ADGB: variants seen among roughly 807,000 people sequenced by gnomAD.
ADGB encodes androglobin, also known as calpain-7-like protein.
ADGB carries 172 observed loss-of-function variants against 210.5 expected under a neutral mutation model. That is an observed-to-expected ratio of 0.82 (90% CI 0.72 to 0.93). ADGB has a LOEUF of 0.93. Ranked by LOEUF, ADGB falls within the 40% of genes least tolerant of loss-of-function variation. ADGB has a pLI of 0.00. For missense variants in ADGB, 2,025 were observed against 1,964.8 expected, an observed-to-expected ratio of 1.03 and a Z score of -0.58; for synonymous variants, 658 against 662.7, an observed-to-expected ratio of 0.99 and a Z score of 0.11.
rs144868131 is a variant in ADGB at position 146,709,314 on chromosome 6, CT to C, written c.1708-6067del. The stretch of plus-strand genomic sequence containing the variant: ...GGTCCTTGTAACCACGAGTTGGTGT[CT>C]GTAAATTTAAGAGTAGTAAATTATT... On this transcript the variant is annotated intron_variant, in intron 13 of 35. Transcript: ENST00000397944. 7.5e-3 allele frequency among the ~76,000 whole-genome samples: 1,139 copies of C among 152,244 alleles called. 5 individuals are homozygous for C. The highest frequency in any genetic ancestry group is 0.025 in the African/African-American group (1,044 of 41,562).
At chr6:146,610,008 A>G (rs1232326165) in intron 1 of ADGB, among the ~76,000 whole-genome samples, 2 of 152,110 alleles carry the variant, frequency 1.3e-5, no homozygotes, top group African/African-American at 4.8e-5. Context: ...CTTGTGTAGT[A>G]TCTCTCAGGG....
chr6:146,734,420 C>T (rs543112546), intron 22 of ADGB, among the ~76,000 whole-genome samples: 60 of 152,220 alleles, frequency 3.9e-4, no homozygotes, highest in African/African-American at 1.4e-3. Flanking sequence ...TTTCACATTT[C>T]CAGATGATTT....
intron 28 of ADGB, 23 bp downstream of exon 28, chr6:146,764,123 A>G (rs1777541077): frequency 1.3e-5 from 19 of 1,506,828 alleles, no homozygotes; most frequent in Non-Finnish European, 1.7e-5. Context: ...CAATTGTTCA[A>G]TTGGACTGTT....
At position 146,661,220 on chromosome 6, in the gene ADGB, C is replaced by CTT. The variant is rs5880682; in HGVS notation, c.613-2965_613-2964dup. ...TTCCTTTACTTTTTTTTCTTTTTTT[C>CTT]TTTTTTTTTTTTTTTTTGGAGATAG... On this transcript the variant is annotated intron_variant, in intron 5 of 35. Coordinates refer to ENST00000397944, the MANE Select transcript of ADGB (RefSeq NM_024694.4). Among the ~76,000 whole-genome samples, 1,023 of 116,026 alleles carry CTT rather than the reference C, an allele frequency of 8.8e-3. 12 individuals carry two copies. The highest frequency in any genetic ancestry group is 0.019 in the South Asian group (67 of 3,478). The allele number at this position is 116,026 out of a possible 152,430, so 76.1% of individuals were successfully genotyped here.
intron 11 of ADGB, among the ~76,000 whole-genome samples, chr6:146,691,642 G>A (rs1475776848): frequency 7.0e-5 from 10 of 143,874 alleles, no homozygotes; most frequent in Non-Finnish European, 1.5e-5. Context: ...TGAGTAGCTG[G>A]AAGCCTATGT....
At chr6:146,799,235 T>C (rs1778088201) in intron 33 of ADGB, among the ~76,000 whole-genome samples, 1 of 151,972 alleles carries the variant, frequency 6.6e-6, no homozygotes, top group African/African-American at 2.4e-5. Context: ...GCCAAAGATG[T>C]CCTCTCTTAC....
intron 26 of ADGB, among the ~76,000 whole-genome samples, chr6:146,748,694 C>T (rs561156496): frequency 3.7e-4 from 57 of 152,218 alleles, no homozygotes; most frequent in African/African-American, 1.4e-3. Flanking sequence ...GCAATCCTCT[C>T]ACCTCACCAT....
At chr6:146,650,776 A>G (rs1159940130) in intron 3 of ADGB, among the ~76,000 whole-genome samples, 3 of 152,146 alleles carry the variant, frequency 2.0e-5, no homozygotes, top group Non-Finnish European at 1.5e-5. Context: ...GGTAGGGGCA[A>G]GACTAAACAG....
chr6:146,604,337 T>G (rs1780602955), intron 1 of ADGB, among the ~76,000 whole-genome samples: 1 of 152,202 alleles, frequency 6.6e-6, no homozygotes, highest in Non-Finnish European at 1.5e-5. Context: ...GCAGGGGAAG[T>G]GATAGCATTG....
At chr6:146,740,922 A>G (rs1431069257) in intron 24 of ADGB, among the ~76,000 whole-genome samples, 196 bp from the exon 25 acceptor site, 1 of 152,156 alleles carries the variant, frequency 6.6e-6, no homozygotes, top group East Asian at 1.9e-4. Context: ...TTACTTATAA[A>G]ATTGATTTTT....
At chr6:146,649,276 A>G (rs991696553) in intron 3 of ADGB, among the ~76,000 whole-genome samples, 1 of 151,622 alleles carries the variant, frequency 6.6e-6, no homozygotes, top group African/African-American at 2.4e-5. Flanking sequence ...AGATTTATCC[A>G]TTTTTATTGA....
At chr6:146,710,680 C>T (rs1400161678) in intron 13 of ADGB, among the ~76,000 whole-genome samples, 1 of 151,852 alleles carries the variant, frequency 6.6e-6, no homozygotes. Flanking sequence ...TATCTGTCAA[C>T]ATTTTTTGAA....
intron 1 of ADGB, among the ~76,000 whole-genome samples, chr6:146,634,944 A>G (rs1038121739): frequency 1.7e-4 from 26 of 152,036 alleles, no homozygotes; most frequent in Admixed American, 1.7e-3. Context: ...TATTAACAAT[A>G]TGCTGATGAA....
intron 33 of ADGB, among the ~76,000 whole-genome samples, chr6:146,799,261 T>C (rs920884173): frequency 6.6e-6 from 1 of 151,982 alleles, no homozygotes; most frequent in African/African-American, 2.4e-5. Context: ...TTTTTCAACA[T>C]GTACAAGACT....
chr6:146,599,462 C>T (rs1423518351), intron 1 of ADGB, among the ~76,000 whole-genome samples: 1 of 152,124 alleles, frequency 6.6e-6, no homozygotes, highest in African/African-American at 2.4e-5. Context: ...CTGGTTAAAG[C>T]CACATCTTCA....
chr6:146,654,092 T>A, intron 3 of ADGB, 43 bp from the exon 4 acceptor site: 1 of 1,250,284 alleles, frequency 8.0e-7, no homozygotes, highest in Non-Finnish European at 1.1e-6. Flanking sequence ...ACTTTTTTAT[T>A]ATTTTTCTTA....
chr6:146,778,408 G>A (rs979005700), intron 29 of ADGB, among the ~76,000 whole-genome samples: 1 of 152,154 alleles, frequency 6.6e-6, no homozygotes, highest in Admixed American at 6.5e-5. Flanking sequence ...AAAGAATGTA[G>A]GAGAAAAGGT....
At chr6:146,721,374 A>C (rs995447142) in intron 16 of ADGB, 29 bp from the exon 17 acceptor site, 1 of 1,330,588 alleles carries the variant, frequency 7.5e-7, no homozygotes, top group East Asian at 2.5e-5. Context: ...ACTGATATTA[A>C]GTATGACAAC....
At chr6:146,628,792 G>A (rs1280310784) in intron 1 of ADGB, among the ~76,000 whole-genome samples, 1 of 151,708 alleles carries the variant, frequency 6.6e-6, no homozygotes, top group Non-Finnish European at 1.5e-5. Flanking sequence ...TGGGCACAAT[G>A]TCCCCCTCTT....
Sources: allele counts gnomAD v4.1 joint callset (sites outside exome capture counted in the v4.1 genomes callset), GRCh38; gene constraint gnomAD v4.1.1; transcripts MANE v1.5; gene names NCBI Gene and HGNC (gene_info 2026-07-23, HGNC 2026-07-21).